The following LRRTM1 variants were observed in gnomAD, a reference collection of about 807,000 sequenced individuals.
The protein encoded by LRRTM1 is leucine rich repeat transmembrane neuronal 1.
LRRTM1 carries 8 observed loss-of-function variants against 37.3 expected under a neutral mutation model. The ratio of observed to expected loss-of-function variants is 0.21; its 90% CI spans 0.13 to 0.39. The LOEUF is 0.39. Ranked by LOEUF, LRRTM1 falls within the 10% of genes least tolerant of loss-of-function variation. The pLI is 1.00. For missense variants in LRRTM1, 557 were observed against 691.0 expected, an observed-to-expected ratio of 0.81 and a Z score of 2.17; for synonymous variants, 326 against 316.8, an observed-to-expected ratio of 1.03 and a Z score of -0.31.
At position 80,303,375 on chromosome 2, in the gene LRRTM1, G is replaced by A; in HGVS notation, c.445C>T (p.Leu149=). Residue 149 remains leucine, a synonymous_variant, in exon 2 of 2, where the codon CTG becomes TTG. Coordinates refer to ENST00000295057, the MANE Select transcript of LRRTM1 (RefSeq NM_178839.5). The surrounding 1 kb of genome is among the most constrained non-coding windows in gnomAD (Gnocchi z 7.7). The part of the protein sequence containing the change: ...LRSVDLSYNK[L]QALAPDLFHG... ...AAGAGGTCGGGCGCGAGCGCCTGCA[G>A]CTTGTTGTACGAGAGGTCCACGCTG... The A allele has an allele frequency of 6.2e-7, 1 of 1,614,168 alleles. No homozygotes were observed. Among genetic ancestry groups the A allele is most frequent in the Non-Finnish European group, 8.5e-7 (1 of 1,180,036 alleles).
At chr2:80,298,193 C>CCTAT (rs1036769163), downstream of LRRTM1, 32 of 151,956 alleles carry the variant, frequency 2.1e-4, no homozygotes, top group African/African-American at 7.0e-4. Context: ...ACATTCTAAA[C>CCTAT]CTATCTCAAA....
At chr2:80,294,852 C>G (rs1044259683) in intron 2 of LRRTM1, among the ~76,000 whole-genome samples, 1 of 151,952 alleles carries the variant, frequency 6.6e-6, no homozygotes, top group East Asian at 1.9e-4. Context: ...TCTCATAACA[C>G]GAGGGAAAAT....
At chr2:80,291,535 T>A (rs2149180056) in intron 2 of LRRTM1, among the ~76,000 whole-genome samples, 1 of 152,358 alleles carries the variant, frequency 6.6e-6, no homozygotes, top group Admixed American at 6.5e-5. Flanking sequence ...CAACTATGGC[T>A]GTGATTACAC....
At chr2:80,300,500 T>G (rs1676185303), downstream of LRRTM1, among the ~76,000 whole-genome samples, 1 of 152,160 alleles carries the variant, frequency 6.6e-6, no homozygotes, top group Non-Finnish European at 1.5e-5. Context: ...GATACCATTC[T>G]GCATTTCAAA....
At chr2:80,290,761 C>T (rs3943622) in intron 2 of LRRTM1, among the ~76,000 whole-genome samples, 20 of 151,988 alleles carry the variant, frequency 1.3e-4, no homozygotes, top group Admixed American at 2.6e-4. Context: ...CCATTTTGCT[C>T]TTGTTGTGAA....
In LRRTM1 at chr2:80,302,935, G is replaced by A; in HGVS notation, c.885C>T (p.Ile295=). 1 of 1,614,014 alleles carries A rather than the reference G, an allele frequency of 6.2e-7. No individual in the cohort carries two copies. Among genetic ancestry groups the A allele is most frequent in the Non-Finnish European group, 8.5e-7 (1 of 1,180,018 alleles). ...TCCAAGAGTTGAGGATCCGGGGCTC[G>A]ATGTAGGTGAGGCGGTTGGAGTCCA... ...LQLDSNRLTY[I]EPRILNSWKS... The change falls in exon 2 of 2, where the codon ATC becomes ATT. Residue 295 remains isoleucine (I), a synonymous_variant. Coordinates refer to ENST00000295057, the MANE Select transcript of LRRTM1 (RefSeq NM_178839.5). This position sits in a 1 kb window ranked among gnomAD's most constrained non-coding sequence, Gnocchi z 6.4.
In LRRTM1 at chr2:80,293,793, A is replaced by C. The variant is rs541610866; in HGVS notation, c.*307-4598T>G. On this transcript the variant is annotated intron_variant and NMD_transcript_variant, in intron 2 of 2. Transcript: ENST00000417012. ...TCTGCGGATGCAGTGGACTGAGTGGAAAGGGAATATTTTGGTGTTAGGGGT... is the reference window on the plus strand; with the variant it reads ...TCTGCGGATGCAGTGGACTGAGTGGCAAGGGAATATTTTGGTGTTAGGGGT... Among the ~76,000 whole-genome samples, 6 of 152,250 alleles carry C rather than the reference A, an allele frequency of 3.9e-5. No individual in the cohort carries two copies. In the South Asian group the frequency reaches 1.2e-3, roughly 32 times the overall value.
At chr2:80,292,978 T>C (rs995144425) in intron 2 of LRRTM1, among the ~76,000 whole-genome samples, 1 of 152,172 alleles carries the variant, frequency 6.6e-6, no homozygotes, top group African/African-American at 2.4e-5. Context: ...AGACAAAAAA[T>C]GGCCTGGACA....
At chr2:80,296,523 T>C (rs886377298) in intron 2 of LRRTM1, among the ~76,000 whole-genome samples, 1 of 152,196 alleles carries the variant, frequency 6.6e-6, no homozygotes, top group Non-Finnish European at 1.5e-5. Flanking sequence ...TTGCTGATTA[T>C]CAGTGAACCT....
rs1239098356 is a variant in LRRTM1 at position 80,304,328 on chromosome 2, C to A, written c.-236G>T. ...CTCGGCTCGGGGCTGCAAGGGCGGC[C>A]GGCAAGGCGGGGAGGCGACTTCTAG... On this transcript the variant is annotated 5_prime_UTR_variant, in exon 1 of 2. Transcript: ENST00000295057. 34 of 152,844 alleles carry A rather than the reference C, an allele frequency of 2.2e-4. 1 individual carries two copies. Among genetic ancestry groups the A allele is most frequent in the Non-Finnish European group, 2.9e-5 (2 of 68,252 alleles). 9.5% of individuals were successfully genotyped at this position (152,844 alleles called of 1,614,324 possible).
intron 2 of LRRTM1, among the ~76,000 whole-genome samples, chr2:80,292,899 G>A (rs1409883445): frequency 1.3e-5 from 2 of 152,080 alleles, no homozygotes; most frequent in African/African-American, 4.8e-5. Context: ...CCTACAGCAT[G>A]TTTGCTCTTT....
At chr2:80,301,253 T>C (rs1162125159), downstream of LRRTM1, among the ~76,000 whole-genome samples, 1 of 152,218 alleles carries the variant, frequency 6.6e-6, no homozygotes, top group Non-Finnish European at 1.5e-5. Flanking sequence ...CTTAGCAATG[T>C]GCTCCAGAAG....
Position 80,304,262 on chromosome 2 carries a change from G to C in LRRTM1, c.-170C>G, listed in dbSNP as rs1676680952. 6.4e-6 allele frequency: 1 copy of C among 155,222 alleles called. No individual in the cohort carries two copies. The highest frequency in any genetic ancestry group is 2.4e-5 in the African/African-American group (1 of 41,570). The allele number at this position is 155,222 out of a possible 1,614,324, so 9.6% of individuals were successfully genotyped here. A position where few individuals can be genotyped will look rare whatever the true frequency, so the allele number is the denominator to read the frequency against. On this transcript the variant is annotated 5_prime_UTR_variant, in exon 1 of 2. Transcript: ENST00000295057. ...TGTTTCCGAGGCAGCCCCGGTCCGC[G>C]GCCGGCGGATCTGGCAGGCGCACAA...
At position 80,303,877 on chromosome 2, in the gene LRRTM1, A is replaced by G; in HGVS notation, c.-58T>C. On this transcript the variant is annotated splice_region_variant and 5_prime_UTR_variant, in exon 2 of 2. Transcript: ENST00000295057. This position sits in a 1 kb window ranked among gnomAD's most constrained non-coding sequence, Gnocchi z 7.7. ...GTCCATTGGAAGCGCTCGGTCAGAA[A>G]TCTACATCATATTTTATTCCGAGGG... The G allele has an allele frequency of 6.8e-7, 1 of 1,470,056 alleles. No homozygotes were observed. The highest frequency in any genetic ancestry group is 1.4e-5 in the African/African-American group (1 of 71,024). 91.1% of individuals were successfully genotyped at this position (1,470,056 alleles called of 1,614,324 possible).
At chr2:80,289,932 G>A (rs1281251202) in intron 2 of LRRTM1, among the ~76,000 whole-genome samples, 2 of 152,182 alleles carry the variant, frequency 1.3e-5, no homozygotes, top group Non-Finnish European at 2.9e-5. Context: ...AAATCCCTGT[G>A]GAGGAGAGTT....
In LRRTM1 at chr2:80,303,969, C is replaced by A. The variant is rs1159019985; in HGVS notation, c.-59-91G>T. On this transcript the variant is annotated intron_variant, in intron 1 of 1. Transcript: ENST00000295057. The surrounding 1 kb of genome is among the most constrained non-coding windows in gnomAD (Gnocchi z 7.7). ...TAAATACATAGAAATAAAGAAGGAC[C>A]CCCCTCCCCAAAAACCACACGTTCA... The A allele has an allele frequency of 2.1e-6, 2 of 930,276 alleles. No individual in the cohort carries two copies. The highest frequency in any genetic ancestry group is 2.9e-5 in the South Asian group (1 of 34,996). The allele number at this position is 930,276 out of a possible 1,614,324, so 57.6% of individuals were successfully genotyped here. A position where few individuals can be genotyped will look rare whatever the true frequency, so the allele number is the denominator to read the frequency against.
intron 2 of LRRTM1, among the ~76,000 whole-genome samples, chr2:80,296,319 G>A (rs973739566): frequency 2.0e-5 from 3 of 152,108 alleles, no homozygotes; most frequent in South Asian, 2.1e-4. Flanking sequence ...CTCCTGGAAG[G>A]AATATCAAGT....
intron 2 of LRRTM1, among the ~76,000 whole-genome samples, chr2:80,294,299 C>G (rs1675532474): frequency 6.6e-6 from 1 of 152,146 alleles, no homozygotes; most frequent in Admixed American, 6.5e-5. Flanking sequence ...CTAAACAGCG[C>G]TTTGTAAACT....
rs772018374 is a variant in LRRTM1, at chr2:80,303,624, C to T, written c.196G>A (p.Gly66Ser). ...NLTEAPHNLS[G>S]LLGLSLRYNS... ...TAGCGCAGGGACAAGCCCAGCAGGCCGGACAGGTTGTGGGGCGCCTCGGTG... is the reference window on the plus strand; with the variant it reads ...TAGCGCAGGGACAAGCCCAGCAGGCTGGACAGGTTGTGGGGCGCCTCGGTG... Residue 66 changes from glycine to serine, a missense_variant, in exon 2 of 2, where the codon GGC becomes AGC. Physicochemically the swap from Gly to Ser is moderately conservative, Grantham distance 56 (BLOSUM62 0). This residue lies in a region of LRRTM1 where 140 missense variants were observed against 138.1 expected (regional missense o/e 1.01). Coordinates refer to ENST00000295057, the MANE Select transcript of LRRTM1 (RefSeq NM_178839.5). This position sits in a 1 kb window ranked among gnomAD's most constrained non-coding sequence, Gnocchi z 7.7. 1.9e-6 allele frequency: 3 copies of T among 1,613,898 alleles called. No homozygotes were observed. The highest frequency in any genetic ancestry group is 1.3e-5 in the African/African-American group (1 of 74,926).
Sources: gnomAD v4.1 joint callset for allele counts (sites outside exome capture counted in the v4.1 genomes callset) on GRCh38, gnomAD v4.1.1 for gene constraint, gnomAD v4.1.1 regional missense constraint, Gnocchi (gnomAD v3.1) non-coding constraint, MANE v1.5 for transcripts, NCBI Gene and HGNC (gene_info 2026-07-23, HGNC 2026-07-21) for gene names.